The following RAB38 variants were observed in gnomAD, a reference collection of about 807,000 sequenced individuals.
RAB38 encodes the protein ras-related protein Rab-38.
Under a neutral mutation model 18.4 loss-of-function variants are expected in RAB38, and 15 were observed. The ratio of observed to expected loss-of-function variants is 0.82; its 90% confidence interval spans 0.55 to 1.26. The LOEUF is 1.26. Among genes scored for constraint, RAB38 ranks in the 50% most tolerant of loss-of-function variants. The probability of loss-of-function intolerance (pLI) is 0.00; values close to 1 mark genes in which losing one functional copy is unlikely to be tolerated. For synonymous variants in RAB38, 101 were observed against 104.4 expected, an observed-to-expected ratio of 0.97 and a Z score of 0.20; for missense variants, 294 against 267.4, an observed-to-expected ratio of 1.10 and a Z score of -0.69.
the RAB38 span, among the ~76,000 whole-genome samples, chr11:88,090,383 C>T: frequency 6.6e-6 from 1 of 151,832 alleles, no homozygotes; most frequent in African/African-American, 2.4e-5. Flanking sequence ...TTTTACTGGA[C>T]ACAGAAGTTT....
chr11:87,833,421 T>C, the RAB38 span, among the ~76,000 whole-genome samples: 1 of 152,254 alleles, frequency 6.6e-6, no homozygotes, highest in South Asian at 2.1e-4. Flanking sequence ...GCTTTCTCCT[T>C]CCTTTTTCCA....
At chr11:88,040,603 T>A in the RAB38 span, among the ~76,000 whole-genome samples, 2 of 152,134 alleles carry the variant, frequency 1.3e-5, no homozygotes, top group Non-Finnish European at 2.9e-5. Flanking sequence ...TAGTCCAAGC[T>A]ACTTAGGAGG....
the RAB38 span, among the ~76,000 whole-genome samples, chr11:87,836,726 T>C: frequency 6.6e-6 from 1 of 152,206 alleles, no homozygotes; most frequent in Non-Finnish European, 1.5e-5. Context: ...TACTCAGTTC[T>C]TGACTATCTC....
At chr11:87,958,068 A>C in the RAB38 span, among the ~76,000 whole-genome samples, 9 of 152,080 alleles carry the variant, frequency 5.9e-5, 1 homozygote, top group Admixed American at 5.2e-4. Flanking sequence ...CTGTACTTCA[A>C]ATTTTGAATT....
chr11:88,083,634 G>C, the RAB38 span, among the ~76,000 whole-genome samples: 1 of 151,890 alleles, frequency 6.6e-6, no homozygotes, highest in Non-Finnish European at 1.5e-5. Context: ...ATTAAGAGAT[G>C]GTTCTTTTGA....
the RAB38 span, among the ~76,000 whole-genome samples, chr11:87,966,004 C>T: frequency 6.6e-6 from 1 of 152,072 alleles, no homozygotes; most frequent in Non-Finnish European, 1.5e-5. Flanking sequence ...TTGTGGGCCT[C>T]AGTAACTCTT....
chr11:88,134,151 C>CT (rs1339922391), intron 2 of RAB38, among the ~76,000 whole-genome samples: 2 of 152,192 alleles, frequency 1.3e-5, no homozygotes, highest in African/African-American at 4.8e-5. Flanking sequence ...ACCTTTTAGA[C>CT]TTTAACATAC....
At chr11:88,110,967 C>A (rs544304658), downstream of RAB38, among the ~76,000 whole-genome samples, 4 of 152,064 alleles carry the variant, frequency 2.6e-5, no homozygotes, top group East Asian at 3.9e-4. Flanking sequence ...GAGGTGAAAC[C>A]CTGTCTCTAC....
chr11:88,165,064 C>G (rs1943230923), intron 1 of RAB38, among the ~76,000 whole-genome samples: 1 of 152,034 alleles, frequency 6.6e-6, no homozygotes, highest in African/African-American at 2.4e-5. Flanking sequence ...AAATTCAACT[C>G]ATTCAATAAT....
chr11:87,860,751 A>T, the RAB38 span, among the ~76,000 whole-genome samples: 64 of 152,022 alleles, frequency 4.2e-4, no homozygotes, highest in African/African-American at 1.4e-3. Flanking sequence ...TAACATCTGG[A>T]CTTTTTATTT....
chr11:87,880,725 G>T, the RAB38 span, among the ~76,000 whole-genome samples: 4 of 151,768 alleles, frequency 2.6e-5, no homozygotes, highest in Middle Eastern at 3.2e-3. Flanking sequence ...TAGTTCAAAA[G>T]AAACTACTTT....
At chr11:87,838,615 T>A in the RAB38 span, among the ~76,000 whole-genome samples, 1 of 152,224 alleles carries the variant, frequency 6.6e-6, no homozygotes, top group African/African-American at 2.4e-5. Context: ...GTTGCCTTTA[T>A]CAAGGAGAAG....
intron 2 of RAB38, among the ~76,000 whole-genome samples, chr11:88,137,612 TAAAG>T (rs1381875492): frequency 6.6e-6 from 1 of 152,072 alleles, no homozygotes; most frequent in African/African-American, 2.4e-5. Flanking sequence ...AGGAGTTTCA[TAAAG>T]AAAGAACACA....
chr11:88,102,628 G>A, the RAB38 span, among the ~76,000 whole-genome samples: 9 of 152,004 alleles, frequency 5.9e-5, no homozygotes, highest in East Asian at 1.7e-3. Flanking sequence ...GTTATTAGGT[G>A]GCAACCAGCA....
the RAB38 span, among the ~76,000 whole-genome samples, chr11:88,031,064 C>T: frequency 9.3e-5 from 14 of 150,892 alleles, no homozygotes; most frequent in South Asian, 2.3e-3. Flanking sequence ...GGATGCAAGG[C>T]TGGTTCAATA....
At chr11:88,100,367 G>A in the RAB38 span, among the ~76,000 whole-genome samples, 1 of 151,908 alleles carries the variant, frequency 6.6e-6, no homozygotes, top group Non-Finnish European at 1.5e-5. Flanking sequence ...CCTGAAGGGT[G>A]CCAGAAAAGA....
chr11:87,807,186 G>T, the RAB38 span, among the ~76,000 whole-genome samples: 1 of 152,170 alleles, frequency 6.6e-6, no homozygotes, highest in Non-Finnish European at 1.5e-5. Flanking sequence ...AAAAATCTGT[G>T]GAAAAATTGT....
At chr11:87,886,029 C>T in the RAB38 span, among the ~76,000 whole-genome samples, 1 of 151,904 alleles carries the variant, frequency 6.6e-6, no homozygotes, top group African/African-American at 2.4e-5. Flanking sequence ...GCTTCTAGCA[C>T]TCCCATTATC....
At chr11:88,033,724 CCT>C in the RAB38 span, among the ~76,000 whole-genome samples, 1 of 80,794 alleles carries the variant, frequency 1.2e-5, no homozygotes, top group Non-Finnish European at 2.7e-5. Context: ...TGTTGTGTTG[CCT>C]TTTTTTTTTT....
Sources: allele counts gnomAD v4.1 joint callset (sites outside exome capture counted in the v4.1 genomes callset), GRCh38; gene constraint gnomAD v4.1.1; transcripts MANE v1.5; gene names NCBI Gene and HGNC (gene_info 2026-07-23, HGNC 2026-07-21).